The following SFRP1 variants were observed in gnomAD, a reference collection of about 807,000 sequenced individuals.
The protein encoded by SFRP1 is secreted frizzled-related protein 1.
In SFRP1, 9 loss-of-function variants were observed where a neutral mutation model predicts 25.9. That is an observed-to-expected ratio of 0.35 (90% CI 0.21 to 0.61). SFRP1 has a LOEUF of 0.61. Ranked by LOEUF, SFRP1 falls within the 20% of genes least tolerant of loss-of-function variation. SFRP1 has a pLI of 0.78. For missense variants in SFRP1, 346 were observed against 418.2 expected (o/e 0.83, Z 1.51); for synonymous variants, 178 against 174.0 (o/e 1.02, Z -0.18).
intron 1 of SFRP1, among the ~76,000 whole-genome samples, chr8:41,307,308 C>T (rs1804010273): frequency 6.6e-6 from 1 of 152,240 alleles, no homozygotes; most frequent in Non-Finnish European, 1.5e-5. Flanking sequence ...CCGTTCCCAT[C>T]CAGCCATCCA....
intron 2 of SFRP1, among the ~76,000 whole-genome samples, chr8:41,269,506 A>G (rs1803476727): frequency 6.6e-6 from 1 of 152,204 alleles, no homozygotes; most frequent in Non-Finnish European, 1.5e-5. Flanking sequence ...TTGCTCACAA[A>G]TTATACTTCC....
intron 1 of SFRP1, among the ~76,000 whole-genome samples, chr8:41,305,782 C>CCA (rs1215442251): frequency 1.3e-5 from 2 of 152,116 alleles, no homozygotes; most frequent in Non-Finnish European, 2.9e-5. Context: ...ATACATCAAT[C>CCA]CACACACACA....
At chr8:41,287,313 CTTGTT>C (rs1803717314) in intron 2 of SFRP1, among the ~76,000 whole-genome samples, 3 of 152,246 alleles carry the variant, frequency 2.0e-5, no homozygotes, top group Non-Finnish European at 4.4e-5. Flanking sequence ...GGCGTGCCAG[CTTGTT>C]TTCTCTCACC....
At chr8:41,286,592 C>G (rs193259347) in intron 2 of SFRP1, among the ~76,000 whole-genome samples, 195 of 152,284 alleles carry the variant, frequency 1.3e-3, no homozygotes, top group African/African-American at 4.3e-3. Flanking sequence ...CAAAGAGTCA[C>G]AGCCACTAGA....
At chr8:41,303,932 C>T (rs113456870) in intron 1 of SFRP1, among the ~76,000 whole-genome samples, 115 of 152,234 alleles carry the variant, frequency 7.6e-4, no homozygotes, top group South Asian at 2.5e-3. Context: ...TACCATCCTC[C>T]GATTCCTGCC....
At chr8:41,305,749 A>G (rs539291207) in intron 1 of SFRP1, among the ~76,000 whole-genome samples, 2 of 152,356 alleles carry the variant, frequency 1.3e-5, no homozygotes, top group South Asian at 4.1e-4. Flanking sequence ...CAACAGCTGA[A>G]TCAGGATTAA....
At chr8:41,278,083 T>C (rs1803592151) in intron 2 of SFRP1, among the ~76,000 whole-genome samples, 1 of 152,062 alleles carries the variant, frequency 6.6e-6, no homozygotes, top group Admixed American at 6.5e-5. Flanking sequence ...TTGGATGACG[T>C]CTAAACATCC....
chr8:41,282,379 C>T (rs901795441), intron 2 of SFRP1, among the ~76,000 whole-genome samples: 3 of 152,040 alleles, frequency 2.0e-5, no homozygotes, highest in African/African-American at 4.8e-5. Flanking sequence ...CGGGCTTGGT[C>T]GTGTGGGCCT....
intron 2 of SFRP1, among the ~76,000 whole-genome samples, chr8:41,299,120 CAAG>C (rs898555818): frequency 1.2e-4 from 18 of 151,392 alleles, no homozygotes; most frequent in Non-Finnish European, 2.5e-4. Flanking sequence ...CTCCCATGCA[CAAG>C]AAGGCTGCTC....
chr8:41,296,689 C>T (rs1803847737), intron 2 of SFRP1, among the ~76,000 whole-genome samples: 1 of 152,094 alleles, frequency 6.6e-6, no homozygotes, highest in Admixed American at 6.6e-5. Flanking sequence ...CCAGAGATAT[C>T]GCTGGAGAAA....
chr8:41,308,852 T>C lies in SFRP1; in HGVS notation c.308A>G (p.Lys103Arg). ...GACCTGGGTGCCGGCGTGGCAGTTCTTGTTGAGCAGGGGCACCCAGCTGCT... is the reference window on the plus strand; with the variant it reads ...GACCTGGGTGCCGGCGTGGCAGTTCCTGTTGAGCAGGGGCACCCAGCTGCT... ...QASSWVPLLN[K>R]NCHAGTQVFL... The change falls in exon 1 of 3, where the codon AAG (lysine) becomes AGG (arginine). Residue 103 changes from lysine (K) to arginine (R), a missense_variant. Physicochemically the swap from Lys to Arg is conservative, Grantham distance 26. Transcript: ENST00000220772. 1 of 1,610,412 alleles carries C rather than the reference T, an allele frequency of 6.2e-7. No individual in the cohort carries two copies. Among genetic ancestry groups the C allele is most frequent in the South Asian group, 1.1e-5 (1 of 90,904 alleles).
Position 41,287,056 on chromosome 8 carries a change from G to A in SFRP1, c.622+16405C>T, listed in dbSNP as rs930692219. 3.9e-5 allele frequency among the ~76,000 whole-genome samples: 6 copies of A among 152,294 alleles called. No individual in the cohort carries two copies. In the East Asian group the frequency reaches 7.7e-4, roughly 20 times the overall value. The stretch of plus-strand genomic sequence containing the variant: ...AACGTCTACAGTGGGACCCTACCAC[G>A]GAACAAGGCAGCCTGCCCCTCTGCT... On this transcript the variant is annotated intron_variant, in intron 2 of 2. Coordinates refer to ENST00000220772, the MANE Select transcript of SFRP1 (RefSeq NM_003012.5).
At chr8:41,283,726 C>T (rs1803664334) in intron 2 of SFRP1, among the ~76,000 whole-genome samples, 1 of 151,882 alleles carries the variant, frequency 6.6e-6, no homozygotes, top group Non-Finnish European at 1.5e-5. Context: ...CCATGCCCAT[C>T]TTATTTTTGT....
intron 2 of SFRP1, among the ~76,000 whole-genome samples, chr8:41,295,004 A>G (rs951408734): frequency 1.3e-5 from 2 of 152,206 alleles, no homozygotes; most frequent in African/African-American, 4.8e-5. Context: ...CAGCATCTGG[A>G]GCTGGCTGGG....
chr8:41,306,616 C>A lies in SFRP1; in HGVS notation c.544+2000G>T, dbSNP rs187693393. 2.5e-5 allele frequency: 34 copies of A among 1,361,396 alleles called. 1 individual carries two copies. In the African/African-American group the frequency reaches 3.0e-4, roughly 12 times the overall value. The allele number at this position is 1,361,396 out of a possible 1,614,324, so 84.3% of individuals were successfully genotyped here. A position where few individuals can be genotyped will look rare whatever the true frequency, so the allele number is the denominator to read the frequency against. ...TGTGCCATCTCAGGGCAGAGCCCCC[C>A]ACCAAAACCACTGAGGGGAAAACCA... On this transcript the variant is annotated intron_variant, in intron 1 of 2. Coordinates refer to ENST00000220772, the MANE Select transcript of SFRP1 (RefSeq NM_003012.5).
chr8:41,276,171 A>G (rs1803570205), intron 2 of SFRP1, among the ~76,000 whole-genome samples: 1 of 152,174 alleles, frequency 6.6e-6, no homozygotes, highest in South Asian at 2.1e-4. Flanking sequence ...CAGGTGGAAA[A>G]GTCTGCTCAG....
rs527450821 is a variant in SFRP1, at chr8:41,309,241, G to A, written c.-82C>T. 19 of 1,245,084 alleles carry A rather than the reference G, an allele frequency of 1.5e-5. No individual in the cohort carries two copies. The African/African-American group carries it at 2.5e-4, about 16-fold the overall frequency. The allele number at this position is 1,245,084 out of a possible 1,614,324, so 77.1% of individuals were successfully genotyped here. A position where few individuals can be genotyped will look rare whatever the true frequency, so the allele number is the denominator to read the frequency against. On this transcript the variant is annotated 5_prime_UTR_variant, in exon 1 of 3. Transcript: ENST00000220772. The stretch of plus-strand genomic sequence containing the variant: ...GCGCGTCCTGCCGCAAACTTCCAGG[G>A]ACCTCCGGGGACAAAAGGCGCAGTC...
chr8:41,306,740 A>G (rs762492090), intron 1 of SFRP1: 1 of 1,597,652 alleles, frequency 6.3e-7, no homozygotes, highest in South Asian at 1.1e-5. Context: ...TGCTGGGAGG[A>G]GTGGAGGTGA....
At chr8:41,302,777 A>G (rs1803940446) in intron 2 of SFRP1, among the ~76,000 whole-genome samples, 1 of 151,784 alleles carries the variant, frequency 6.6e-6, no homozygotes, top group Non-Finnish European at 1.5e-5. Flanking sequence ...GGCCCCTGGC[A>G]TCTCCCCCAC....
Sources: gnomAD v4.1 joint callset for allele counts (sites outside exome capture counted in the v4.1 genomes callset) on GRCh38, gnomAD v4.1.1 for gene constraint, MANE v1.5 for transcripts, NCBI Gene and HGNC (gene_info 2026-07-23, HGNC 2026-07-21) for gene names.